The following PIGF variants were observed in gnomAD, a reference collection of about 807,000 sequenced individuals.
PIGF encodes the protein phosphatidylinositol glycan anchor biosynthesis class F.
In PIGF, 23 loss-of-function variants were observed where a neutral mutation model predicts 26.0. The observed-to-expected ratio is 0.88, with a 90% CI of 0.64 to 1.25. The LOEUF (loss-of-function observed/expected upper bound fraction) is 1.25. PIGF is among the 50% of genes most tolerant of loss of function. The pLI is 0.00. For missense variants in PIGF, 278 were observed against 249.9 expected (o/e 1.11, Z -0.76); for synonymous variants, 93 against 92.6 (o/e 1.00, Z -0.03).
chr2:46,584,827 AT>A (rs1388233419), intron 5 of PIGF, among the ~76,000 whole-genome samples: 1 of 152,168 alleles, frequency 6.6e-6, no homozygotes, highest in African/African-American at 2.4e-5. Flanking sequence ...ATCAAAATAG[AT>A]TATCAAAATA....
At position 46,588,061 on chromosome 2, in the gene PIGF, G is replaced by A; in HGVS notation, c.546+4414C>T. 6.5e-7 allele frequency: 1 copy of A among 1,545,418 alleles called. No individual in the cohort carries two copies. Among genetic ancestry groups the A allele is most frequent in the South Asian group, 1.2e-5 (1 of 83,040 alleles). ...CTTGGACTTTCTAGTGTATAAAATG[G>A]GAGTAAAACCTACCTTGCACTACGG... On this transcript the variant is annotated intron_variant, in intron 5 of 5. Transcript: ENST00000281382. The surrounding 1 kb of genome is among the most constrained non-coding windows in gnomAD (Gnocchi z 4.1).
chr2:46,599,854 C>T (rs752023169), intron 4 of PIGF, among the ~76,000 whole-genome samples: 26 of 152,162 alleles, frequency 1.7e-4, no homozygotes, highest in Non-Finnish European at 3.2e-4. Context: ...GTTGTCATGC[C>T]GTTTCTTTTC....
intron 4 of PIGF, among the ~76,000 whole-genome samples, chr2:46,595,253 C>G (rs1267385473): frequency 6.6e-6 from 1 of 152,146 alleles, no homozygotes; most frequent in Non-Finnish European, 1.5e-5. Context: ...TAACCATTAC[C>G]AATCACTCTC....
intron 4 of PIGF, among the ~76,000 whole-genome samples, chr2:46,603,767 T>C (rs1215127820): frequency 1.3e-5 from 2 of 151,992 alleles, no homozygotes; most frequent in African/African-American, 2.4e-5. Context: ...AAAGGAAACA[T>C]TGGGGAAACT....
intron 4 of PIGF, among the ~76,000 whole-genome samples, chr2:46,608,311 T>C (rs1353641354): frequency 2.0e-5 from 3 of 152,242 alleles, no homozygotes; most frequent in African/African-American, 7.2e-5. Flanking sequence ...AGTTTTATCA[T>C]AATGTTGCAG....
intron 4 of PIGF, among the ~76,000 whole-genome samples, chr2:46,594,529 A>G (rs1669820821): frequency 8.3e-6 from 1 of 119,832 alleles, no homozygotes; most frequent in Non-Finnish European, 1.7e-5. Context: ...AGTAGGGCAG[A>G]GTTAGGATTT....
At chr2:46,613,844 T>C (rs542713978) in intron 2 of PIGF, 59 bp from the exon 3 acceptor site, 4 of 1,389,966 alleles carry the variant, frequency 2.9e-6, no homozygotes, top group Non-Finnish European at 3.9e-6. Flanking sequence ...CAATAAATTC[T>C]TCCATTTCAT....
At chr2:46,583,868 T>C (rs1265784964) in intron 5 of PIGF, among the ~76,000 whole-genome samples, 2 of 152,182 alleles carry the variant, frequency 1.3e-5, no homozygotes, top group African/African-American at 4.8e-5. Flanking sequence ...TTACAAGATA[T>C]TTGAGTTAAT....
intron 4 of PIGF, among the ~76,000 whole-genome samples, chr2:46,602,849 AG>A (rs1275224635): frequency 6.6e-6 from 1 of 151,700 alleles, no homozygotes; most frequent in Non-Finnish European, 1.5e-5. Flanking sequence ...GTTGTGACTC[AG>A]GAAGTCCTAG....
intron 4 of PIGF, among the ~76,000 whole-genome samples, chr2:46,594,360 T>C (rs1225519761): frequency 6.6e-6 from 1 of 152,192 alleles, no homozygotes; most frequent in Non-Finnish European, 1.5e-5. Context: ...ATTCACTTTT[T>C]CTATTTTATG....
intron 4 of PIGF, among the ~76,000 whole-genome samples, chr2:46,595,589 T>C (rs1371617464): frequency 6.6e-6 from 1 of 152,236 alleles, no homozygotes; most frequent in Admixed American, 6.5e-5. Flanking sequence ...TGTGAGCATA[T>C]GTTTTCATCT....
chr2:46,593,134 C>CT (rs71397007), intron 4 of PIGF, among the ~76,000 whole-genome samples: 39,775 of 132,266 alleles, frequency 0.3, 6,206 homozygotes, highest in Admixed American at 0.35. Context: ...ACCAGTCTTT[C>CT]TTTTTTTTTT....
intron 5 of PIGF, among the ~76,000 whole-genome samples, chr2:46,586,787 A>C (rs1370634595): frequency 2.0e-5 from 3 of 152,204 alleles, no homozygotes; most frequent in African/African-American, 7.2e-5. Flanking sequence ...GATATTCCTA[A>C]AGTAAATGTT....
intron 5 of PIGF, chr2:46,582,754 T>C (rs1423787573): frequency 1.3e-5 from 2 of 152,636 alleles, no homozygotes; most frequent in Non-Finnish European, 2.9e-5. Flanking sequence ...TAAATGCTCA[T>C]ATCAGTCACA....
intron 4 of PIGF, among the ~76,000 whole-genome samples, chr2:46,606,293 T>C (rs760236529): frequency 6.6e-6 from 1 of 152,206 alleles, no homozygotes; most frequent in Non-Finnish European, 1.5e-5. Context: ...GTTTCTCACA[T>C]ATCCTTCCAG....
chr2:46,596,680 A>T (rs1669897827), intron 4 of PIGF, among the ~76,000 whole-genome samples: 1 of 151,962 alleles, frequency 6.6e-6, no homozygotes, highest in Non-Finnish European at 1.5e-5. Flanking sequence ...AAAAACATAA[A>T]TTAAGTATAG....
intron 5 of PIGF, among the ~76,000 whole-genome samples, chr2:46,587,793 A>G (rs1258671838): frequency 6.6e-6 from 1 of 152,338 alleles, no homozygotes; most frequent in African/African-American, 2.4e-5. Context: ...CCTAAAATAC[A>G]GACACCACCA....
At chr2:46,607,851 C>G (rs1179269821) in intron 4 of PIGF, among the ~76,000 whole-genome samples, 2 of 152,062 alleles carry the variant, frequency 1.3e-5, no homozygotes, top group African/African-American at 2.4e-5. Context: ...CCTACCAGCA[C>G]GCCCAGCTAA....
intron 5 of PIGF, among the ~76,000 whole-genome samples, chr2:46,587,498 T>A (rs6719813): frequency 0.23 from 34,977 of 151,954 alleles, 4,784 homozygotes; most frequent in African/African-American, 0.38. Context: ...CTGGTGTCTG[T>A]TGAGAATAAG....
Sources: gnomAD v4.1 joint callset for allele counts (sites outside exome capture counted in the v4.1 genomes callset) on GRCh38, gnomAD v4.1.1 for gene constraint, Gnocchi (gnomAD v3.1) non-coding constraint, MANE v1.5 for transcripts, NCBI Gene and HGNC (gene_info 2026-07-23, HGNC 2026-07-21) for gene names.